SENP1: variants seen among roughly 807,000 people sequenced by gnomAD.
SENP1 encodes sentrin-specific protease 1.
In SENP1, 21 loss-of-function variants were observed where a neutral mutation model predicts 93.0. The ratio of observed to expected loss-of-function variants is 0.23; its 90% CI spans 0.16 to 0.33. The LOEUF is 0.33. Among genes scored for constraint, SENP1 ranks in the 10% least tolerant of loss-of-function variants. The pLI, the probability that SENP1 is intolerant of heterozygous loss-of-function variation, is 1.00. For synonymous variants in SENP1, 256 were observed against 259.6 expected (o/e 0.99, Z 0.13); for missense variants, 591 against 758.7 (o/e 0.78, Z 2.60).
At chr12:48,095,966 G>A (rs1336366078) in intron 4 of SENP1, among the ~76,000 whole-genome samples, 1 of 152,240 alleles carries the variant, frequency 6.6e-6, no homozygotes, top group South Asian at 2.1e-4. Flanking sequence ...AGGTTTCATG[G>A]TTTCAAGCAG....
chr12:48,089,159 T>A, intron 4 of SENP1, 199 bp from the exon 5 acceptor site: 1 of 1,557,490 alleles, frequency 6.4e-7, no homozygotes, highest in Non-Finnish European at 8.7e-7. Context: ...TCAGCCATAC[T>A]AACCTGAAAA....
intron 13 of SENP1, 180 bp downstream of exon 13, chr12:48,063,530 T>C (rs1183484638): frequency 1.7e-5 from 9 of 521,842 alleles, no homozygotes; most frequent in East Asian, 3.2e-5. Flanking sequence ...CCTGAGATGT[T>C]TGTTAAAAAT....
intron 6 of SENP1, among the ~76,000 whole-genome samples, chr12:48,078,352 TACACACACACAC>T (rs200961396): frequency 6.4e-4 from 88 of 136,890 alleles, no homozygotes; most frequent in Non-Finnish European, 9.3e-4. Flanking sequence ...CATATATATA[TACACACACACAC>T]ATACACATAT....
chr12:48,067,612 C>T (rs971030193), intron 9 of SENP1, among the ~76,000 whole-genome samples: 4 of 152,148 alleles, frequency 2.6e-5, no homozygotes, highest in Non-Finnish European at 5.9e-5. Context: ...GAAGAGTGAA[C>T]ACTTTTCCAA....
Position 48,055,823 on chromosome 12 carries a change from A to G in SENP1, c.1408-6691T>C, listed in dbSNP as rs1592304412. 2.1e-5 allele frequency among the ~76,000 whole-genome samples: 3 copies of G among 144,438 alleles called. No homozygotes were observed. The South Asian group carries it at 6.4e-4, about 31-fold the overall frequency. The allele number at this position is 144,438 out of a possible 152,430, so 94.8% of individuals were successfully genotyped here. The stretch of plus-strand genomic sequence containing the variant: ...TAAATAAAATATATCATATTAATAT[A>G]TATTTTATATATTTATATATATTAA... On this transcript the variant is annotated intron_variant, in intron 13 of 17. Transcript: ENST00000549518.
chr12:48,064,836 CCAGCTAATTTT>C (rs1261338070), intron 12 of SENP1, among the ~76,000 whole-genome samples: 1 of 152,066 alleles, frequency 6.6e-6, no homozygotes, highest in Non-Finnish European at 1.5e-5. Context: ...GCCACCACAC[CCAGCTAATTTT>C]TGTATTTTTG....
intron 2 of SENP1, among the ~76,000 whole-genome samples, chr12:48,098,668 A>C (rs1945722670): frequency 6.7e-6 from 1 of 148,838 alleles, no homozygotes; most frequent in Non-Finnish European, 1.5e-5. Flanking sequence ...AAAGTTAGCC[A>C]GCCAATGTGG....
chr12:48,093,682 G>T (rs1408332649), intron 4 of SENP1, among the ~76,000 whole-genome samples: 1 of 148,536 alleles, frequency 6.7e-6, no homozygotes. Flanking sequence ...GTGGATGTGC[G>T]TATCAATTCC....
intron 1 of SENP1, chr12:48,105,643 G>T (rs1054833384): frequency 2.3e-6 from 1 of 427,016 alleles, no homozygotes; most frequent in African/African-American, 2.0e-5. Context: ...CGAGCTTCCC[G>T]GTGAAAACAG....
intron 13 of SENP1, among the ~76,000 whole-genome samples, chr12:48,056,441 ATTT>A (rs1298217502): frequency 1.8e-5 from 2 of 111,216 alleles, no homozygotes; most frequent in African/African-American, 3.8e-5. Flanking sequence ...ATATATAATT[ATTT>A]AATATATTAC....
chr12:48,048,857 T>C, intron 14 of SENP1, 72 bp downstream of exon 14: 1 of 1,123,090 alleles, frequency 8.9e-7, no homozygotes. Flanking sequence ...GTAGAACTAC[T>C]ACTCACTACC....
In SENP1 at chr12:48,045,044, C is replaced by T. The variant is rs1334627316; in HGVS notation, c.*278G>A. 2 of 421,396 alleles carry T rather than the reference C, an allele frequency of 4.7e-6. No homozygotes were observed. The highest frequency in any genetic ancestry group is 8.6e-6 in the Non-Finnish European group (2 of 233,036). The allele number at this position is 421,396 out of a possible 1,614,324, so 26.1% of individuals were successfully genotyped here. ...GAGTGAGGCTGGAGCCCTTTGAAAA[C>T]AAGATGGCAGAACTGAAGAAGTGAA... On this transcript the variant is annotated 3_prime_UTR_variant, in exon 18 of 18. Coordinates refer to ENST00000549518, the MANE Select transcript of SENP1 (RefSeq NM_001267594.2).
intron 9 of SENP1, among the ~76,000 whole-genome samples, chr12:48,070,808 C>T (rs184986973): frequency 8.3e-4 from 126 of 152,286 alleles, no homozygotes; most frequent in African/African-American, 3.0e-3. Flanking sequence ...AAGAACACAG[C>T]AGGCCGGGTG....
At position 48,074,358 on chromosome 12, in the gene SENP1, T is replaced by C; in HGVS notation, c.906A>G (p.Pro302=). 6.2e-7 allele frequency: 1 copy of C among 1,613,336 alleles called. No individual in the cohort carries two copies. Among genetic ancestry groups the C allele is most frequent in the Non-Finnish European group, 8.5e-7 (1 of 1,179,406 alleles). ...PHHHHSVPHQ[P]DNLAASNTQS... is the part of the protein sequence containing the mutation. The stretch of plus-strand genomic sequence containing the variant: ...GTGTATTTGAAGCTGCTAAGTTATC[T>C]GGCTGATGTGGAACAGAGTGGTGAT... The change falls in exon 8 of 18, where the codon CCA becomes CCG. Residue 302 remains proline, a synonymous_variant. Coordinates refer to ENST00000549518, the MANE Select transcript of SENP1 (RefSeq NM_001267594.2).
At chr12:48,065,010 G>GA in intron 12 of SENP1, 55 bp downstream of exon 12, 1 of 1,277,604 alleles carries the variant, frequency 7.8e-7, no homozygotes, top group Non-Finnish European at 1.1e-6. Context: ...TCATCCGAGG[G>GA]ATTCTTTCTA....
intron 13 of SENP1, 92 bp downstream of exon 13, chr12:48,063,618 T>G: frequency 3.1e-6 from 4 of 1,307,390 alleles, no homozygotes; most frequent in Non-Finnish European, 4.3e-6. Flanking sequence ...AGGTCATCCA[T>G]GGACCACATT....
chr12:48,060,042 C>T (rs1056393933), intron 13 of SENP1, among the ~76,000 whole-genome samples: 1 of 152,208 alleles, frequency 6.6e-6, no homozygotes, highest in South Asian at 2.1e-4. Flanking sequence ...GAGGGAAGCC[C>T]CTCTGCACAG....
chr12:48,066,262 A>G (rs973609227), intron 10 of SENP1, among the ~76,000 whole-genome samples: 4 of 152,170 alleles, frequency 2.6e-5, no homozygotes, highest in Non-Finnish European at 5.9e-5. Flanking sequence ...TGGATAACTT[A>G]AGTTCCTTAA....
At chr12:48,049,227 T>G (rs774320952) in intron 13 of SENP1, 95 bp from the exon 14 acceptor site, 3 of 894,942 alleles carry the variant, frequency 3.4e-6, no homozygotes, top group Non-Finnish European at 5.3e-6. Flanking sequence ...TGTAATTGTT[T>G]CCTAATAAAC....
Sources: allele counts gnomAD v4.1 joint callset (sites outside exome capture counted in the v4.1 genomes callset), GRCh38; gene constraint gnomAD v4.1.1; transcripts MANE v1.5; gene names NCBI Gene and HGNC (gene_info 2026-07-23, HGNC 2026-07-21).